The following SPATA20 variants were observed in gnomAD, a reference collection of about 807,000 sequenced individuals.
The protein encoded by SPATA20 is spermatogenesis-associated protein 20.
SPATA20 carries 74 observed loss-of-function variants against 98.9 expected under a neutral mutation model. The ratio of observed to expected loss-of-function variants is 0.75; its 90% CI spans 0.62 to 0.91. The LOEUF is 0.91. Among genes scored for constraint, SPATA20 ranks in the 40% least tolerant of loss-of-function variants. The pLI is 0.00. For missense variants in SPATA20, 1,016 were observed against 1,069.8 expected (o/e 0.95, Z 0.70); for synonymous variants, 430 against 440.5 (o/e 0.98, Z 0.30).
At position 50,555,594 on chromosome 17, in the gene SPATA20, T is replaced by C. The variant is rs778215648; in HGVS notation, c.2341T>C (p.Cys781Arg). 1.9e-6 allele frequency: 3 copies of C among 1,613,974 alleles called. No individual in the cohort carries two copies. In the South Asian group the frequency reaches 3.3e-5, roughly 18 times the overall value. ...RLEDQATAYV[C>R]ENQACSVPIT... ...GGAAGACCAGGCCACTGCATATGTG[T>C]GTGAGAATCAAGCCTGCTCAGTGCC... The change falls in exon 17 of 17, where the codon TGT becomes CGT. Residue 781 changes from cysteine to arginine, a missense_variant. Physicochemically the swap from Cys to Arg is radical, Grantham distance 180 (BLOSUM62 -3). Transcript: ENST00000006658.
At chr17:50,547,896 A>C in intron 2 of SPATA20, 129 bp downstream of exon 2, 1 of 1,373,678 alleles carries the variant, frequency 7.3e-7, no homozygotes, top group Non-Finnish European at 1.0e-6. Context: ...GTGGGGCCAC[A>C]CCCAGGCCTG....
In SPATA20 at chr17:50,552,305, T is replaced by C; in HGVS notation, c.1957+125T>C. On this transcript the variant is annotated intron_variant, in intron 14 of 16. Coordinates refer to ENST00000006658, the MANE Select transcript of SPATA20 (RefSeq NM_022827.4). Reference sequence around the variant, plus strand: ...TGCTACTTATTAATGGCGTGATTTTTGGCTGCTGTAATATTTCTGTGTCTC... The same window carrying C: ...TGCTACTTATTAATGGCGTGATTTTCGGCTGCTGTAATATTTCTGTGTCTC... 5 of 743,608 alleles carry C rather than the reference T, an allele frequency of 6.7e-6. No individual in the cohort carries two copies. In the South Asian group the frequency reaches 7.5e-5, roughly 11 times the overall value. 46.1% of individuals were successfully genotyped at this position (743,608 alleles called of 1,614,324 possible). A position where few individuals can be genotyped will look rare whatever the true frequency, so the allele number is the denominator to read the frequency against.
At chr17:50,554,798 C>G (rs768190762) in intron 15 of SPATA20, among the ~76,000 whole-genome samples, 5 of 151,778 alleles carry the variant, frequency 3.3e-5, no homozygotes, top group Non-Finnish European at 7.4e-5. Flanking sequence ...TGTGGATGCC[C>G]CATCTGCAGG....
At chr17:50,551,860 A>G (rs2035021698) in intron 13 of SPATA20, 109 bp from the exon 14 acceptor site, 1 of 1,233,560 alleles carries the variant, frequency 8.1e-7, no homozygotes, top group Non-Finnish European at 1.1e-6. Context: ...CCTGCCCAAG[A>G]GGGTTCATCT....
In SPATA20 at chr17:50,551,146, G is replaced by A. The variant is rs771297012; in HGVS notation, c.1532G>A (p.Arg511Gln). 9.5e-6 allele frequency: 15 copies of A among 1,581,842 alleles called. No individual in the cohort carries two copies. The South Asian group carries it at 1.4e-4, about 15-fold the overall frequency. Residue 511 changes from arginine to glutamine, a missense_variant, in exon 12 of 17, where the codon CGG becomes CAG. Coordinates refer to ENST00000006658, the MANE Select transcript of SPATA20 (RefSeq NM_022827.4). Reference sequence around the variant, plus strand: ...AAGCTCTTCCAGGCCCGGAAGCATCGGCCCAAGCCGCACCTGGACAGCAAG... The same window carrying A: ...AAGCTCTTCCAGGCCCGGAAGCATCAGCCCAAGCCGCACCTGGACAGCAAG... ...LEKLFQARKHRPKPHLDSKML... is the reference protein window; with the variant it reads ...LEKLFQARKHQPKPHLDSKML...
Position 50,555,308 on chromosome 17 carries a change from A to G in SPATA20, c.2234A>G (p.Asn745Ser). ...VQCVHSVYIPNKVLILADGDP... is the reference protein window; with the variant it reads ...VQCVHSVYIPSKVLILADGDP... ...TGCGTCCACTCTGTCTACATTCCTA[A>G]CAAGGTACCCATCCCTGTGAGCCCA... The change falls in exon 16 of 17, where the codon AAC becomes AGC. Residue 745 changes from asparagine to serine, a missense_variant. Coordinates refer to ENST00000006658, the MANE Select transcript of SPATA20 (RefSeq NM_022827.4). 6.2e-7 allele frequency: 1 copy of G among 1,613,824 alleles called. No individual in the cohort carries two copies. The highest frequency in any genetic ancestry group is 8.5e-7 in the Non-Finnish European group (1 of 1,179,862).
chr17:50,554,885 CTGTGTG>C (rs3062812), intron 15 of SPATA20, among the ~76,000 whole-genome samples: 5,968 of 141,378 alleles, frequency 0.042, 146 homozygotes, highest in Non-Finnish European at 0.063. Flanking sequence ...TGGGCATCTA[CTGTGTG>C]TGTGTGTGTG....
Position 50,552,019 on chromosome 17 carries a change from G to C in SPATA20, c.1796G>C (p.Gly599Ala). ...FLEDYAFVVR[G>A]LLDLYEASQE... is the part of the protein sequence containing the mutation. ...GAGGACTACGCCTTCGTGGTGCGGG[G>C]CCTGCTGGACCTGTATGAGGCCTCA... is the stretch of plus-strand genomic sequence containing the variant. Residue 599 changes from glycine to alanine, a missense_variant, in exon 14 of 17, where the codon GGC (glycine) becomes GCC (alanine). Transcript: ENST00000006658. 6.2e-7 allele frequency: 1 copy of C among 1,613,260 alleles called. No homozygotes were observed. Among genetic ancestry groups the C allele is most frequent in the Middle Eastern group, 1.6e-4 (1 of 6,062 alleles).
intron 2 of SPATA20, chr17:50,548,059 G>A: frequency 2.7e-6 from 4 of 1,493,238 alleles, no homozygotes; most frequent in Non-Finnish European, 3.5e-6. Context: ...GAGGTTGGGG[G>A]AGACTAACCT....
chr17:50,552,676 C>G (rs1056072752), intron 14 of SPATA20, among the ~76,000 whole-genome samples: 1 of 151,766 alleles, frequency 6.6e-6, no homozygotes, highest in African/African-American at 2.4e-5. Context: ...ATTCTCCCAC[C>G]TCAGCCTCCT....
chr17:50,553,541 G>A (rs900407455), intron 14 of SPATA20, among the ~76,000 whole-genome samples: 1 of 149,810 alleles, frequency 6.7e-6, no homozygotes, highest in African/African-American at 2.5e-5. Context: ...GCTGAGGCCG[G>A]CAGGGCACGG....
Position 50,549,074 on chromosome 17 carries a change from A to G in SPATA20, c.548A>G (p.Asn183Ser), listed in dbSNP as rs753825082. The change falls in exon 6 of 17, where the codon AAT (asparagine) becomes AGT (serine). Residue 183 changes from asparagine (N) to serine (S), a missense_variant. Transcript: ENST00000006658. Reference sequence around the variant, plus strand: ...AGCAGCGGCGGGGGCTGGCCCATGAATGTGTGGCTGACTCCCAACCTCCAG... The same window carrying G: ...AGCAGCGGCGGGGGCTGGCCCATGAGTGTGTGGCTGACTCCCAACCTCCAG... The part of the protein sequence containing the change: ...ATSSGGGWPM[N>S]VWLTPNLQPF... The G allele has an allele frequency of 1.9e-6, 3 of 1,613,578 alleles. No homozygotes were observed. The highest frequency in any genetic ancestry group is 2.5e-6 in the Non-Finnish European group (3 of 1,179,960).
chr17:50,547,588 G>A (rs2034933616), intron 1 of SPATA20, 132 bp from the exon 2 acceptor site: 1 of 724,532 alleles, frequency 1.4e-6, no homozygotes, highest in Non-Finnish European at 2.6e-6. Flanking sequence ...CTGGATGCTG[G>A]GTCAAGGGCC....
rs898453 is a variant in SPATA20, at chr17:50,555,040, G to A, written c.2158-192G>A. On this transcript the variant is annotated intron_variant, in intron 15 of 16. Coordinates refer to ENST00000006658, the MANE Select transcript of SPATA20 (RefSeq NM_022827.4). ...TGTATATGTATGACATTTCCACTTCGGTATTCTCATGTGTGAGTGTGTGTG... is the reference window on the plus strand; with the variant it reads ...TGTATATGTATGACATTTCCACTTCAGTATTCTCATGTGTGAGTGTGTGTG... 0.34 allele frequency among the ~76,000 whole-genome samples: 52,022 copies of A among 151,506 alleles called. 11,254 individuals are homozygous for A. The highest frequency in any genetic ancestry group is 0.62 in the African/African-American group (25,396 of 41,270).
intron 1 of SPATA20, chr17:50,547,497 TC>T: frequency 1.6e-6 from 1 of 641,858 alleles, no homozygotes; most frequent in South Asian, 1.8e-5. Context: ...TTCCCTCCTC[TC>T]CCCTTCCTTC....
At position 50,549,965 on chromosome 17, in the gene SPATA20, T is replaced by C. The variant is rs375310309; in HGVS notation, c.863-20T>C. On this transcript the variant is annotated intron_variant, in intron 7 of 16. Coordinates refer to ENST00000006658, the MANE Select transcript of SPATA20 (RefSeq NM_022827.4). ...CCACTTTCCCATTCTCTCACCTGCA[T>C]GTTCTTGGTGCCCCCACAGTGATCC... 2.1e-5 allele frequency: 32 copies of C among 1,527,278 alleles called. No individual in the cohort carries two copies. In the Admixed American group the frequency reaches 2.6e-4, roughly 13 times the overall value. 94.6% of individuals were successfully genotyped at this position (1,527,278 alleles called of 1,614,324 possible).
chr17:50,548,487 G>A lies in SPATA20; in HGVS notation c.296+34G>A, dbSNP rs557590301. 98 of 1,613,386 alleles carry A rather than the reference G, an allele frequency of 6.1e-5. No individual in the cohort carries two copies. The South Asian group carries it at 9.4e-4, about 16-fold the overall frequency. The stretch of plus-strand genomic sequence containing the variant: ...CTCTCCTGGGGCCCTGCCTGGAATC[G>A]CTGGGGTCCTGGGCCCCTCCCAGAC... On this transcript the variant is annotated intron_variant, in intron 3 of 16. Transcript: ENST00000006658.
intron 16 of SPATA20, 87 bp from the exon 17 acceptor site, chr17:50,555,405 G>T: frequency 3.1e-6 from 5 of 1,599,610 alleles, no homozygotes; most frequent in Non-Finnish European, 3.4e-6. Flanking sequence ...CAGAATGTTG[G>T]GAAGAGGGAA....
At chr17:50,551,935 C>CT in intron 13 of SPATA20, 34 bp from the exon 14 acceptor site, 1 of 1,524,236 alleles carries the variant, frequency 6.6e-7, no homozygotes, top group South Asian at 1.2e-5. Flanking sequence ...TCCTGGGGCT[C>CT]TCCCCAGCCC....
Sources: gnomAD v4.1 joint callset for allele counts (sites outside exome capture counted in the v4.1 genomes callset) on GRCh38, gnomAD v4.1.1 for gene constraint, MANE v1.5 for transcripts, NCBI Gene and HGNC (gene_info 2026-07-23, HGNC 2026-07-21) for gene names.